The following BCAR3 variants were observed in gnomAD, a reference collection of about 807,000 sequenced individuals.
BCAR3 encodes the protein breast cancer anti-estrogen resistance protein 3.
A neutral mutation model predicts 80.1 loss-of-function variants in BCAR3; 37 were observed. That is an observed-to-expected ratio of 0.46 (90% confidence interval 0.36 to 0.61). The LOEUF is 0.61. Among genes scored for constraint, BCAR3 ranks in the 20% least tolerant of loss-of-function variants. The probability of loss-of-function intolerance (pLI) is 0.00; values close to 1 mark genes in which losing one functional copy is unlikely to be tolerated. For missense variants in BCAR3, 978 were observed against 1,068.2 expected (o/e 0.92, Z 1.18); for synonymous variants, 389 against 418.9 (o/e 0.93, Z 0.87).
intron 2 of BCAR3, among the ~76,000 whole-genome samples, chr1:93,836,678 G>C (rs1455306845): frequency 1.3e-5 from 2 of 152,000 alleles, no homozygotes; most frequent in East Asian, 3.9e-4. Context: ...AAGAAGACAG[G>C]AATGTCAGGC....
intron 2 of BCAR3, among the ~76,000 whole-genome samples, chr1:93,814,745 G>A (rs181630862): frequency 1.3e-5 from 2 of 152,344 alleles, no homozygotes; most frequent in Admixed American, 1.3e-4. Flanking sequence ...GCCCCTGTGA[G>A]ACTGAACACA....
At chr1:93,576,888 C>T (rs1209617567) in intron 7 of BCAR3, among the ~76,000 whole-genome samples, 3 of 152,194 alleles carry the variant, frequency 2.0e-5, no homozygotes, top group South Asian at 2.1e-4. Context: ...GGCAAGGTGG[C>T]TTATGCCTCT....
chr1:93,847,568 C>T (rs1455598079), upstream of BCAR3: 3 of 152,356 alleles, frequency 2.0e-5, no homozygotes, highest in Non-Finnish European at 4.4e-5. Flanking sequence ...GAGACTCCAA[C>T]AGGTGGCTCC....
At chr1:93,580,513 G>GAAAAA (rs60517686) in intron 7 of BCAR3, among the ~76,000 whole-genome samples, 1 of 123,228 alleles carries the variant, frequency 8.1e-6, no homozygotes, top group African/African-American at 2.8e-5. Context: ...AAATATTCAG[G>GAAAAA]AAAAAAAAAA....
At chr1:93,618,376 G>A (rs1675203093) in intron 3 of BCAR3, among the ~76,000 whole-genome samples, 1 of 152,212 alleles carries the variant, frequency 6.6e-6, no homozygotes, top group African/African-American at 2.4e-5. Context: ...CTGTTAAATG[G>A]TCTCTATCCG....
intron 8 of BCAR3, among the ~76,000 whole-genome samples, chr1:93,573,231 T>G (rs960407626): frequency 5.9e-5 from 9 of 152,024 alleles, no homozygotes; most frequent in Admixed American, 2.6e-4. Context: ...ACCCCATCTC[T>G]ACTAAAAATA....
At chr1:93,760,326 T>G (rs1320308157) in intron 2 of BCAR3, among the ~76,000 whole-genome samples, 2 of 152,074 alleles carry the variant, frequency 1.3e-5, no homozygotes, top group Non-Finnish European at 2.9e-5. Context: ...TGATTTTCAG[T>G]GGGGACTCAG....
intron 2 of BCAR3, among the ~76,000 whole-genome samples, chr1:93,659,534 A>G (rs1647552911): frequency 6.6e-6 from 1 of 151,952 alleles, no homozygotes; most frequent in South Asian, 2.1e-4. Flanking sequence ...CATCTACTGG[A>G]CAATATTCCT....
intron 2 of BCAR3, among the ~76,000 whole-genome samples, chr1:93,768,105 A>G (rs1652218579): frequency 6.6e-6 from 1 of 152,182 alleles, no homozygotes; most frequent in Non-Finnish European, 1.5e-5. Context: ...CTGGGACTAC[A>G]TGGCAAGCAA....
At chr1:93,670,773 T>C (rs890025786) in intron 2 of BCAR3, among the ~76,000 whole-genome samples, 1 of 152,124 alleles carries the variant, frequency 6.6e-6, no homozygotes, top group African/African-American at 2.4e-5. Flanking sequence ...ATCTGAAAAC[T>C]ATAAAATGTA....
intron 2 of BCAR3, among the ~76,000 whole-genome samples, chr1:93,813,116 TG>T (rs1425656076): frequency 1.3e-5 from 2 of 152,134 alleles, no homozygotes; most frequent in African/African-American, 2.4e-5. Flanking sequence ...TCACAGGCCC[TG>T]GAATGCTCCC....
chr1:93,772,639 C>G (rs1286240672), intron 2 of BCAR3, among the ~76,000 whole-genome samples: 1 of 152,122 alleles, frequency 6.6e-6, no homozygotes, highest in East Asian at 1.9e-4. Context: ...GAATCTCACT[C>G]TGTCCCCAAG....
chr1:93,782,595 A>G (rs1393873795), intron 2 of BCAR3, among the ~76,000 whole-genome samples: 3 of 152,176 alleles, frequency 2.0e-5, no homozygotes, highest in Non-Finnish European at 4.4e-5. Flanking sequence ...AGGAAATACA[A>G]TCTGAGTGTT....
chr1:93,656,192 G>GT (rs1647369159), intron 2 of BCAR3, among the ~76,000 whole-genome samples: 1 of 152,110 alleles, frequency 6.6e-6, no homozygotes, highest in South Asian at 2.1e-4. Flanking sequence ...TTATTGCAAT[G>GT]TGTCTAGGTG....
intron 1 of BCAR3, among the ~76,000 whole-genome samples, chr1:93,846,429 C>T (rs1202642975): frequency 1.3e-5 from 2 of 152,178 alleles, no homozygotes; most frequent in Non-Finnish European, 2.9e-5. Flanking sequence ...TCGGTCTCGC[C>T]GCTGCAGTCG....
chr1:93,738,636 C>A (rs1651074416), intron 2 of BCAR3, among the ~76,000 whole-genome samples: 1 of 152,150 alleles, frequency 6.6e-6, no homozygotes, highest in African/African-American at 2.4e-5. Flanking sequence ...CTGGGCAGGG[C>A]AGGGCAAGGC....
At chr1:93,622,852 A>G (rs1352438374) in intron 3 of BCAR3, among the ~76,000 whole-genome samples, 2 of 152,196 alleles carry the variant, frequency 1.3e-5, no homozygotes, top group African/African-American at 4.8e-5. Flanking sequence ...AGTGGCTCAA[A>G]GATTTGGGTA....
At chr1:93,614,316 G>C (rs1231179379) in intron 3 of BCAR3, among the ~76,000 whole-genome samples, 1 of 152,100 alleles carries the variant, frequency 6.6e-6, no homozygotes, top group Non-Finnish European at 1.5e-5. Flanking sequence ...CCCCGACCCA[G>C]AATTTCCTTC....
At chr1:93,777,371 C>G (rs1652593698) in intron 2 of BCAR3, among the ~76,000 whole-genome samples, 1 of 143,210 alleles carries the variant, frequency 7.0e-6, no homozygotes, top group African/African-American at 2.9e-5. Context: ...TCTTCTTCTT[C>G]TTCCTCCTCT....
Sources: allele counts gnomAD v4.1 joint callset (sites outside exome capture counted in the v4.1 genomes callset), GRCh38; gene constraint gnomAD v4.1.1; transcripts MANE v1.5; gene names NCBI Gene and HGNC (gene_info 2026-07-23, HGNC 2026-07-21).